Variants in SLC38A6 observed in about 807,000 individuals in gnomAD.
SLC38A6 encodes the protein solute carrier family 38 member 6, also known as N system amino acid transporter NAT-1.
A neutral mutation model predicts 65.0 loss-of-function variants in SLC38A6; 73 were observed. The ratio of observed to expected loss-of-function variants is 1.12; its 90% confidence interval spans 0.93 to 1.37. The LOEUF (loss-of-function observed/expected upper bound fraction) is 1.37. SLC38A6 is among the 40% of genes most tolerant of loss of function. SLC38A6 has a pLI of 0.00. For synonymous variants in SLC38A6, 183 were observed against 178.8 expected (o/e 1.02, Z -0.19); for missense variants, 561 against 531.1 (o/e 1.06, Z -0.55).
intron 15 of SLC38A6, among the ~76,000 whole-genome samples, chr14:61,076,512 A>G (rs2043424747): frequency 6.6e-6 from 1 of 152,212 alleles, no homozygotes; most frequent in Admixed American, 6.5e-5. Context: ...AAGGTTATAC[A>G]TCCTTAAGAT....
At chr14:61,064,302 A>G (rs1375100855) in intron 15 of SLC38A6, among the ~76,000 whole-genome samples, 2 of 152,142 alleles carry the variant, frequency 1.3e-5, no homozygotes, top group East Asian at 3.9e-4. Flanking sequence ...CCAAATACAG[A>G]TAGGTGTGCA....
chr14:61,053,353 C>T (rs543778373), downstream of SLC38A6, among the ~76,000 whole-genome samples: 7 of 151,850 alleles, frequency 4.6e-5, no homozygotes, highest in South Asian at 2.1e-4. Context: ...TGAACATTTA[C>T]GTGCATGTGT....
At chr14:61,064,897 TTTTTTA>T (rs1368909805) in intron 15 of SLC38A6, among the ~76,000 whole-genome samples, 7 of 152,154 alleles carry the variant, frequency 4.6e-5, no homozygotes, top group Non-Finnish European at 1.0e-4. Context: ...TAAATTGTAC[TTTTTTA>T]TTTTTAACAG....
intron 3 of SLC38A6, among the ~76,000 whole-genome samples, chr14:61,010,151 C>G (rs1168292048): frequency 6.6e-6 from 1 of 152,106 alleles, no homozygotes; most frequent in East Asian, 1.9e-4. Context: ...AGCATTTTTT[C>G]ATGTGTTTTT....
intron 3 of SLC38A6, chr14:61,004,472 C>G (rs1054636743): frequency 6.6e-6 from 1 of 152,018 alleles, no homozygotes; most frequent in African/African-American, 2.4e-5. Context: ...AGAGAAGAAC[C>G]AAATAGACGC....
chr14:60,993,054 G>A (rs1157642233), intron 3 of SLC38A6, among the ~76,000 whole-genome samples: 1 of 152,078 alleles, frequency 6.6e-6, no homozygotes, highest in Non-Finnish European at 1.5e-5. Flanking sequence ...TACAGCGTTG[G>A]CCAGGCTGGT....
chr14:61,051,596 T>G (rs2042509796), intron 13 of SLC38A6, among the ~76,000 whole-genome samples, 191 bp from the exon 14 acceptor site: 1 of 152,184 alleles, frequency 6.6e-6, no homozygotes, highest in African/African-American at 2.4e-5. Context: ...TTTATGAAGC[T>G]TACACAGAAA....
At chr14:61,009,479 C>G (rs529815432) in intron 3 of SLC38A6, among the ~76,000 whole-genome samples, 1 of 151,868 alleles carries the variant, frequency 6.6e-6, no homozygotes, top group Non-Finnish European at 1.5e-5. Context: ...GTTGGCGTGC[C>G]GCACCCATTA....
At chr14:61,043,025 C>T (rs2041903544) in intron 8 of SLC38A6, 122 bp from the exon 9 acceptor site, 1 of 622,460 alleles carries the variant, frequency 1.6e-6, no homozygotes, top group African/African-American at 2.0e-5. Context: ...GGAAAAGTCA[C>T]AGAAGCAGAG....
chr14:61,049,212 C>T (rs1273637117), intron 12 of SLC38A6, among the ~76,000 whole-genome samples: 1 of 152,104 alleles, frequency 6.6e-6, no homozygotes. Flanking sequence ...ATTTCTGTGG[C>T]CTACCAGGTT....
At chr14:61,082,007 G>A (rs1460625183) in intron 16 of SLC38A6, among the ~76,000 whole-genome samples, 2 of 152,142 alleles carry the variant, frequency 1.3e-5, no homozygotes, top group African/African-American at 2.4e-5. Context: ...GCACAGCAGT[G>A]CTGTAGTGCC....
chr14:61,060,828 G>A (rs1210631531), intron 15 of SLC38A6, among the ~76,000 whole-genome samples: 6 of 105,026 alleles, frequency 5.7e-5, no homozygotes, highest in East Asian at 5.5e-4. Flanking sequence ...CTCGTGGTGC[G>A]CCGTTTCTTA....
chr14:61,080,749 A>G (rs887903659), intron 16 of SLC38A6, among the ~76,000 whole-genome samples: 4 of 152,138 alleles, frequency 2.6e-5, no homozygotes, highest in Non-Finnish European at 5.9e-5. Flanking sequence ...CAGCTGCTGC[A>G]CCGGGCCCTG....
At chr14:61,044,773 C>T (rs990501131) in intron 10 of SLC38A6, among the ~76,000 whole-genome samples, 141 of 152,110 alleles carry the variant, frequency 9.3e-4, no homozygotes, top group African/African-American at 3.2e-3. Flanking sequence ...CATTGGATCT[C>T]TTAAGAGTTT....
chr14:61,083,614 G>A, exon 17 of SLC38A6: 1 of 1,550,526 alleles, frequency 6.4e-7, no homozygotes, highest in Non-Finnish European at 8.7e-7. Context: ...ACAGCAAGAA[G>A]GCAACTGTTT....
At chr14:61,051,719 T>A in intron 13 of SLC38A6, 68 bp from the exon 14 acceptor site, 1 of 1,567,760 alleles carries the variant, frequency 6.4e-7, no homozygotes, top group Non-Finnish European at 8.7e-7. Context: ...GTTGTATATG[T>A]TTCTCTCAGC....
intron 15 of SLC38A6, among the ~76,000 whole-genome samples, chr14:61,077,018 ATTTGAGAT>A (rs1450161152): frequency 1.3e-5 from 2 of 152,196 alleles, no homozygotes; most frequent in Admixed American, 6.5e-5. Context: ...TGTTTCCCAG[ATTTGAGAT>A]TTCTTTTGGA....
intron 15 of SLC38A6, among the ~76,000 whole-genome samples, chr14:61,071,485 C>A (rs1218156020): frequency 6.6e-6 from 1 of 151,922 alleles, no homozygotes; most frequent in Non-Finnish European, 1.5e-5. Context: ...AATTCAAGAC[C>A]AGCCTGGGCA....
intron 12 of SLC38A6, among the ~76,000 whole-genome samples, chr14:61,049,621 T>A (rs767007210): frequency 5.9e-5 from 9 of 152,204 alleles, no homozygotes; most frequent in Non-Finnish European, 1.0e-4. Context: ...TCACACTTTC[T>A]ATCATAGCTA....
Sources: allele counts gnomAD v4.1 joint callset (sites outside exome capture counted in the v4.1 genomes callset), GRCh38; gene constraint gnomAD v4.1.1; transcripts MANE v1.5; gene names NCBI Gene and HGNC (gene_info 2026-07-23, HGNC 2026-07-21).